PGLYRP2: variants seen among roughly 807,000 people sequenced by gnomAD.
PGLYRP2 encodes peptidoglycan recognition protein 2.
A neutral mutation model predicts 46.2 loss-of-function variants in PGLYRP2; 38 were observed. The ratio of observed to expected loss-of-function variants is 0.82; its 90% confidence interval spans 0.64 to 1.08. PGLYRP2 has a LOEUF of 1.08. PGLYRP2 is among the 50% of genes least tolerant of loss of function. The probability of loss-of-function intolerance (pLI) is 0.00; values close to 1 mark genes in which losing one functional copy is unlikely to be tolerated. For missense variants in PGLYRP2, 713 were observed against 755.9 expected (o/e 0.94, Z 0.67); for synonymous variants, 289 against 329.4 (o/e 0.88, Z 1.33).
chr19:15,469,826 C>G lies in PGLYRP2; in HGVS notation c.1447G>C (p.Val483Leu), dbSNP rs200967069. Residue 483 changes from valine to leucine, a missense_variant, in exon 4 of 5, where the codon GTG (valine) becomes CTG (leucine). Transcript: ENST00000340880. This position sits in a 1 kb window ranked among gnomAD's most constrained non-coding sequence, Gnocchi z 4.9. ...HNSRGFGVAI[V>L]GNYTAALPTE... Reference sequence around the variant, plus strand: ...GGCAGCGCCGCGGTGTAGTTGCCCACTATGGCCACGCCGAAGCCCCGGGAG... The same window carrying G: ...GGCAGCGCCGCGGTGTAGTTGCCCAGTATGGCCACGCCGAAGCCCCGGGAG... The G allele has an allele frequency of 6.5e-7, 1 of 1,529,164 alleles. No homozygotes were observed. Among genetic ancestry groups the G allele is most frequent in the African/African-American group, 1.4e-5 (1 of 70,046 alleles). 94.7% of individuals were successfully genotyped at this position (1,529,164 alleles called of 1,614,324 possible).
At position 15,479,416 on chromosome 19, in the gene PGLYRP2, G is replaced by T. The variant is rs557670900; in HGVS notation, c.-45C>A. 6.3e-7 allele frequency: 1 copy of T among 1,593,188 alleles called. No individual in the cohort carries two copies. The highest frequency in any genetic ancestry group is 1.1e-5 in the South Asian group (1 of 89,598). ...CCAAGGGGTATTTCTGGTTGGCCTC[G>T]GCAGAGAACCTCGGCAGTGCTGGAG... On this transcript the variant is annotated 5_prime_UTR_variant, in exon 1 of 5. Coordinates refer to ENST00000340880, the MANE Select transcript of PGLYRP2 (RefSeq NM_052890.4).
rs527477859 is a variant in PGLYRP2 at position 15,478,639 on chromosome 19, T to G, written c.61+672A>C. ...GGCAGGATTTGCCTTTGTTTTTTTT[T>G]TTTTTTTTTGAGACGGAGTCTTGCT... On this transcript the variant is annotated intron_variant, in intron 1 of 4. Transcript: ENST00000340880. Among the ~76,000 whole-genome samples, 8 of 151,440 alleles carry G rather than the reference T, an allele frequency of 5.3e-5. No homozygotes were observed. In the East Asian group the frequency reaches 1.4e-3, roughly 26 times the overall value.
At chr19:15,474,234 G>A (rs182715185) in intron 2 of PGLYRP2, among the ~76,000 whole-genome samples, 146 of 152,256 alleles carry the variant, frequency 9.6e-4, no homozygotes, top group African/African-American at 3.2e-3. Context: ...CTACTTAGGA[G>A]GCTGAGGCAG....
chr19:15,475,141 AAGAT>A (rs1337232696), intron 2 of PGLYRP2, among the ~76,000 whole-genome samples: 1 of 152,110 alleles, frequency 6.6e-6, no homozygotes, highest in Non-Finnish European at 1.5e-5. Context: ...AGCGTGTGGA[AAGAT>A]AGATAGTGGA....
chr19:15,469,718 G>T lies in PGLYRP2; in HGVS notation c.1555C>A (p.Leu519Met). The T allele has an allele frequency of 6.7e-7, 1 of 1,500,718 alleles. No homozygotes were observed. Among genetic ancestry groups the T allele is most frequent in the Non-Finnish European group, 8.8e-7 (1 of 1,131,182 alleles). The allele number at this position is 1,500,718 out of a possible 1,614,324, so 93.0% of individuals were successfully genotyped here. A position where few individuals can be genotyped will look rare whatever the true frequency, so the allele number is the denominator to read the frequency against. Residue 519 changes from leucine to methionine, a missense_variant, in exon 4 of 5, where the codon CTG becomes ATG. Transcript: ENST00000340880. The surrounding 1 kb of genome is among the most constrained non-coding windows in gnomAD (Gnocchi z 4.9). ...RAGLLRPDYA[L>M]LGHRQLVRTD... ...CGCACCAGCTGGCGGTGGCCCAGCA[G>T]CGCGTAGTCTGGCCGCAGGAGGCCG... is the stretch of plus-strand genomic sequence containing the variant.
chr19:15,474,980 C>CAAA (rs34586297), intron 2 of PGLYRP2, among the ~76,000 whole-genome samples: 7 of 125,080 alleles, frequency 5.6e-5, no homozygotes, highest in African/African-American at 1.7e-4. Flanking sequence ...GAGAGAGACT[C>CAAA]AAAAAAAAAA....
At chr19:15,470,237 TTTC>T (rs201270437) in intron 3 of PGLYRP2, among the ~76,000 whole-genome samples, 3,568 of 112,726 alleles carry the variant, frequency 0.032, 85 homozygotes, top group East Asian at 0.085. Context: ...TTGGGTTTTT[TTTC>T]TTTCCTTCCT....
Position 15,476,258 on chromosome 19 carries a change from T to A in PGLYRP2, c.412A>T (p.Ile138Leu), listed in dbSNP as rs549111350. The A allele has an allele frequency of 5.0e-6, 8 of 1,614,186 alleles. No individual in the cohort carries two copies. The highest frequency in any genetic ancestry group is 4.4e-5 in the South Asian group (4 of 91,082). ...LEAGLQGRRVINLPLDSMAAP... is the reference protein window; with the variant it reads ...LEAGLQGRRVLNLPLDSMAAP... ...GCCATGCTGTCCAAGGGCAAATTTA[T>A]GACCCTGCGCCCTTGCAGCCCTGCC... Residue 138 changes from isoleucine to leucine, a missense_variant, in exon 2 of 5, where the codon ATA becomes TTA. Transcript: ENST00000340880.
chr19:15,476,153 G>A lies in PGLYRP2; in HGVS notation c.517C>T (p.Leu173Phe). Residue 173 changes from leucine (L) to phenylalanine (F), a missense_variant, in exon 2 of 5, where the codon CTC becomes TTC. Leu to Phe is a conservative substitution (Grantham distance 22). Coordinates refer to ENST00000340880, the MANE Select transcript of PGLYRP2 (RefSeq NM_052890.4). ...GTGACATCTGGAGAGCCATCCCTGA[G>A]TCCTGGGGAGGAGGTGGCTCTTACA... Reference protein sequence around the residue: ...PDVRATSSPGLRDGSPDVTTA... With the variant: ...PDVRATSSPGFRDGSPDVTTA... 6.2e-7 allele frequency: 1 copy of A among 1,614,190 alleles called. No individual in the cohort carries two copies. Among genetic ancestry groups the A allele is most frequent in the South Asian group, 1.1e-5 (1 of 91,076 alleles).
chr19:15,470,011 GGT>G (rs1480146573), intron 3 of PGLYRP2, 82 bp from the exon 4 acceptor site: 1 of 1,304,714 alleles, frequency 7.7e-7, no homozygotes, highest in East Asian at 3.0e-5. Flanking sequence ...CGATTCTGTT[GGT>G]GTGCCAAGGG....
At chr19:15,471,816 G>A in intron 3 of PGLYRP2, 74 bp downstream of exon 3, 2 of 1,497,884 alleles carry the variant, frequency 1.3e-6, no homozygotes, top group East Asian at 2.3e-5. Context: ...CCGGTCCCCT[G>A]CATCAGGCTC....
intron 1 of PGLYRP2, among the ~76,000 whole-genome samples, chr19:15,478,121 C>T (rs1039407707): frequency 5.9e-5 from 9 of 152,016 alleles, no homozygotes; most frequent in Admixed American, 2.6e-4. Flanking sequence ...CCGAGGCAGG[C>T]GGATCACTTG....
chr19:15,474,894 G>A (rs1970779588), intron 2 of PGLYRP2, among the ~76,000 whole-genome samples: 1 of 151,902 alleles, frequency 6.6e-6, no homozygotes, highest in Admixed American at 6.6e-5. Context: ...GGCTGAGACA[G>A]GAGAATTGCT....
In PGLYRP2 at chr19:15,469,690, G is replaced by T; in HGVS notation, c.1583C>A (p.Thr528Asn). Residue 528 changes from threonine to asparagine, a missense_variant, in exon 4 of 5, where the codon ACC becomes AAC. By Grantham distance (65) the Thr-to-Asn change is moderately conservative. Transcript: ENST00000340880. The surrounding 1 kb of genome is among the most constrained non-coding windows in gnomAD (Gnocchi z 4.9). ...GAAGAGCGCGTCGCCGGGGCAGTCG[G>T]TGCGCACCAGCTGGCGGTGGCCCAG... Reference protein sequence around the residue: ...ALLGHRQLVRTDCPGDALFDL... With the variant: ...ALLGHRQLVRNDCPGDALFDL... 1.3e-6 allele frequency: 2 copies of T among 1,528,424 alleles called. No individual in the cohort carries two copies. The highest frequency in any genetic ancestry group is 1.7e-6 in the Non-Finnish European group (2 of 1,143,486). 94.7% of individuals were successfully genotyped at this position (1,528,424 alleles called of 1,614,324 possible). A position where few individuals can be genotyped will look rare whatever the true frequency, so the allele number is the denominator to read the frequency against.
intron 4 of PGLYRP2, chr19:15,468,960 C>G (rs1970717997): frequency 3.9e-6 from 2 of 515,940 alleles, no homozygotes; most frequent in South Asian, 5.3e-5. Context: ...CGAGATTGTC[C>G]AGGTGTGATT....
chr19:15,471,063 C>A (rs975833169), intron 3 of PGLYRP2, among the ~76,000 whole-genome samples: 2 of 151,194 alleles, frequency 1.3e-5, no homozygotes, highest in African/African-American at 4.9e-5. Context: ...CCTTAGCCTG[C>A]CGAGTAGCTG....
chr19:15,476,217 A>C lies in PGLYRP2; in HGVS notation c.453T>G (p.Thr151=). 2 of 1,614,130 alleles carry C rather than the reference A, an allele frequency of 1.2e-6. No homozygotes were observed. The highest frequency in any genetic ancestry group is 1.7e-6 in the Non-Finnish European group (2 of 1,180,018). Residue 151 remains threonine (T), a synonymous_variant, in exon 2 of 5, where the codon ACT becomes ACG. Coordinates refer to ENST00000340880, the MANE Select transcript of PGLYRP2 (RefSeq NM_052890.4). ...PLDSMAAPWE[T]GDTFPDVVAI... ...CCACAACATCTGGAAAGGTATCTCC[A>C]GTCTCCCAAGGGGCAGCCATGCTGT...
chr19:15,479,241 T>C (rs532388433), intron 1 of PGLYRP2, 70 bp downstream of exon 1: 11 of 1,522,984 alleles, frequency 7.2e-6, no homozygotes, highest in African/African-American at 1.4e-5. Flanking sequence ...GGGCAAGACA[T>C]AGATGGGACA....
intron 1 of PGLYRP2, among the ~76,000 whole-genome samples, chr19:15,477,947 T>G (rs1486749549): frequency 6.6e-6 from 1 of 152,210 alleles, no homozygotes; most frequent in Admixed American, 6.5e-5. Context: ...TATTAATAAT[T>G]TAACGCAGTT....
Sources: allele counts gnomAD v4.1 joint callset (sites outside exome capture counted in the v4.1 genomes callset), GRCh38; gene constraint gnomAD v4.1.1; non-coding constraint Gnocchi (gnomAD v3.1); transcripts MANE v1.5; gene names NCBI Gene and HGNC (gene_info 2026-07-23, HGNC 2026-07-21).